The following PTPN3 variants were observed in gnomAD, a reference collection of about 807,000 sequenced individuals.
PTPN3 encodes the protein protein tyrosine phosphatase non-receptor type 3, also known as tyrosine-protein phosphatase non-receptor type 3.
PTPN3 carries 96 observed loss-of-function variants against 132.7 expected under a neutral mutation model. That is an observed-to-expected ratio of 0.72 (90% confidence interval 0.61 to 0.86). PTPN3 has a LOEUF of 0.86. PTPN3 is among the 40% of genes least tolerant of loss of function. The pLI is 0.00. For synonymous variants in PTPN3, 398 were observed against 429.0 expected, an observed-to-expected ratio of 0.93 and a Z score of 0.89; for missense variants, 1,125 against 1,159.6, an observed-to-expected ratio of 0.97 and a Z score of 0.43.
chr9:109,435,077 G>T (rs965783232), intron 9 of PTPN3, among the ~76,000 whole-genome samples: 2 of 152,202 alleles, frequency 1.3e-5, no homozygotes, highest in Non-Finnish European at 2.9e-5. Context: ...ACAACAGAGG[G>T]AGTATGAAGC....
chr9:109,465,692 A>G (rs1846064752), intron 1 of PTPN3, among the ~76,000 whole-genome samples: 1 of 146,800 alleles, frequency 6.8e-6, no homozygotes, highest in Admixed American at 6.9e-5. Context: ...GGCAAAAAGA[A>G]CAAAACTCTG....
At chr9:109,400,559 C>G (rs1402188022) in intron 19 of PTPN3, among the ~76,000 whole-genome samples, 2 of 152,190 alleles carry the variant, frequency 1.3e-5, no homozygotes, top group East Asian at 3.9e-4. Flanking sequence ...AATAACAACT[C>G]TCATACATCA....
chr9:109,380,882 T>C (rs548016056), intron 25 of PTPN3, among the ~76,000 whole-genome samples: 38 of 152,186 alleles, frequency 2.5e-4, no homozygotes, highest in African/African-American at 8.9e-4. Context: ...TCCTAGACTT[T>C]CCAAATCCTG....
chr9:109,522,140 C>T, the PTPN3 span, among the ~76,000 whole-genome samples: 13 of 152,308 alleles, frequency 8.5e-5, no homozygotes, highest in African/African-American at 2.9e-4. Context: ...CAGCATTAAC[C>T]GCACCTGGGA....
chr9:109,456,339 A>G (rs1405241259), intron 4 of PTPN3, among the ~76,000 whole-genome samples: 2 of 152,256 alleles, frequency 1.3e-5, no homozygotes, highest in East Asian at 3.8e-4. Flanking sequence ...AAAGGCAACT[A>G]ACACAGATGA....
intron 7 of PTPN3, 72 bp downstream of exon 7, chr9:109,445,168 G>A: frequency 6.8e-7 from 1 of 1,470,224 alleles, no homozygotes; most frequent in Non-Finnish European, 9.5e-7. Flanking sequence ...CAAGCAGGAG[G>A]AACCAGTGAC....
At chr9:109,526,532 G>A in the PTPN3 span, among the ~76,000 whole-genome samples, 8 of 151,934 alleles carry the variant, frequency 5.3e-5, no homozygotes, top group Non-Finnish European at 5.9e-5. Context: ...AAAATTAGCC[G>A]ACCATAGTGG....
chr9:109,409,891 C>T, intron 16 of PTPN3, 108 bp downstream of exon 16: 2 of 1,450,058 alleles, frequency 1.4e-6, no homozygotes, highest in African/African-American at 2.9e-5. Flanking sequence ...AGGGTTGAAC[C>T]AACTTCCTTA....
intron 1 of PTPN3, among the ~76,000 whole-genome samples, chr9:109,486,012 A>G (rs1470748982): frequency 6.6e-6 from 1 of 152,262 alleles, no homozygotes; most frequent in Non-Finnish European, 1.5e-5. Flanking sequence ...TTACAATGAC[A>G]ACACAGAACT....
At chr9:109,404,129 T>C (rs1192223488) in intron 19 of PTPN3, among the ~76,000 whole-genome samples, 1 of 152,156 alleles carries the variant, frequency 6.6e-6, no homozygotes, top group East Asian at 1.9e-4. Flanking sequence ...GTTTCTGGCA[T>C]GTTTCTCCAT....
At chr9:109,466,602 A>T (rs1266740716) in intron 1 of PTPN3, among the ~76,000 whole-genome samples, 1 of 152,104 alleles carries the variant, frequency 6.6e-6, no homozygotes, top group Non-Finnish European at 1.5e-5. Context: ...TAAAATGCAG[A>T]CTCTGATTCA....
chr9:109,433,801 A>G (rs1013748279), intron 9 of PTPN3, among the ~76,000 whole-genome samples: 18 of 151,786 alleles, frequency 1.2e-4, no homozygotes, highest in African/African-American at 4.1e-4. Flanking sequence ...CCAGCCACTC[A>G]GGAGGCTGAG....
chr9:109,472,570 T>C (rs1391886577), intron 1 of PTPN3, among the ~76,000 whole-genome samples: 2 of 152,204 alleles, frequency 1.3e-5, no homozygotes, highest in African/African-American at 4.8e-5. Flanking sequence ...CCTATACATT[T>C]CCCTTTATTA....
intron 2 of PTPN3, 32 bp from the exon 3 acceptor site, chr9:109,457,431 G>T (rs1211730804): frequency 1.9e-6 from 3 of 1,555,914 alleles, no homozygotes; most frequent in Non-Finnish European, 2.6e-6. Flanking sequence ...AGTGGGAAAA[G>T]TCTTAAATTA....
At chr9:109,431,271 G>A (rs547667324) in intron 10 of PTPN3, among the ~76,000 whole-genome samples, 31 of 152,340 alleles carry the variant, frequency 2.0e-4, no homozygotes, top group Non-Finnish European at 3.2e-4. Context: ...CTCTCCTGCA[G>A]TGACCTTGTG....
chr9:109,425,100 A>G (rs932141390), intron 12 of PTPN3, among the ~76,000 whole-genome samples: 1 of 152,196 alleles, frequency 6.6e-6, no homozygotes, highest in African/African-American at 2.4e-5. Context: ...CTTGCTCAAC[A>G]GTAGATCTAC....
chr9:109,517,224 G>T, the PTPN3 span, among the ~76,000 whole-genome samples: 3 of 152,136 alleles, frequency 2.0e-5, no homozygotes, highest in Non-Finnish European at 4.4e-5. Context: ...TCCCAAGCAA[G>T]GACCATTTTT....
chr9:109,441,420 C>T (rs1844459386), intron 7 of PTPN3, among the ~76,000 whole-genome samples: 1 of 152,164 alleles, frequency 6.6e-6, no homozygotes, highest in Non-Finnish European at 1.5e-5. Context: ...AGGCGGTTCT[C>T]AGGGGTCATT....
At chr9:109,398,564 G>A (rs1840784811) in intron 19 of PTPN3, among the ~76,000 whole-genome samples, 1 of 152,204 alleles carries the variant, frequency 6.6e-6, no homozygotes, top group South Asian at 2.1e-4. Flanking sequence ...ATCTGAGTTT[G>A]ACATGACCTT....
Sources: allele counts gnomAD v4.1 joint callset (sites outside exome capture counted in the v4.1 genomes callset), GRCh38; gene constraint gnomAD v4.1.1; transcripts MANE v1.5; gene names NCBI Gene and HGNC (gene_info 2026-07-23, HGNC 2026-07-21).